Variants in DUT observed in about 807,000 individuals in gnomAD.
DUT encodes the protein deoxyuridine triphosphatase.
DUT carries 21 observed loss-of-function variants against 28.8 expected under a neutral mutation model. The observed-to-expected ratio is 0.73, with a 90% CI of 0.52 to 1.05. The LOEUF (loss-of-function observed/expected upper bound fraction) is 1.05. Among genes scored for constraint, DUT ranks in the 50% least tolerant of loss-of-function variants. The pLI, the probability that DUT is intolerant of heterozygous loss-of-function variation, is 0.00. For synonymous variants in DUT, 147 were observed against 143.7 expected, an observed-to-expected ratio of 1.02 and a Z score of -0.17; for missense variants, 344 against 351.8, an observed-to-expected ratio of 0.98 and a Z score of 0.18.
At chr15:48,334,867 A>G (rs1222780936) in intron 3 of DUT, among the ~76,000 whole-genome samples, 1 of 152,114 alleles carries the variant, frequency 6.6e-6, no homozygotes, top group African/African-American at 2.4e-5. Flanking sequence ...GGTAAGGGAT[A>G]CTCTTCAGTG....
intron 6 of DUT, 109 bp downstream of exon 6, chr15:48,341,694 G>A (rs2042536978): frequency 1.1e-6 from 1 of 915,872 alleles, no homozygotes; most frequent in African/African-American, 1.7e-5. Flanking sequence ...TAGTATATAT[G>A]ACTAAACTTA....
chr15:48,333,291 A>T (rs1265056367), intron 2 of DUT, among the ~76,000 whole-genome samples: 1 of 152,198 alleles, frequency 6.6e-6, no homozygotes, highest in Non-Finnish European at 1.5e-5. Flanking sequence ...GGAAAAGGAA[A>T]GTAGGTATGG....
At chr15:48,337,609 T>C (rs1246244222) in intron 4 of DUT, among the ~76,000 whole-genome samples, 2 of 152,224 alleles carry the variant, frequency 1.3e-5, no homozygotes, top group Non-Finnish European at 2.9e-5. Flanking sequence ...ATGTGGAAAC[T>C]TTTTCTTTTA....
rs2042547427 is a variant in DUT at position 48,342,285 on chromosome 15, C to G, written c.*207C>G. 3.0e-6 allele frequency: 1 copy of G among 332,344 alleles called. No homozygotes were observed. The highest frequency in any genetic ancestry group is 2.2e-5 in the African/African-American group (1 of 46,032). 20.6% of individuals were successfully genotyped at this position (332,344 alleles called of 1,614,324 possible). A position where few individuals can be genotyped will look rare whatever the true frequency, so the allele number is the denominator to read the frequency against. On this transcript the variant is annotated 3_prime_UTR_variant, in exon 7 of 7. Coordinates refer to ENST00000331200, the MANE Select transcript of DUT (RefSeq NM_001025248.2). ...AAGAAGTTTTTCTTTGTGTTTGGAT[C>G]AAAAAGAAACTTTGTTTTTCCGCAA...
Position 48,341,055 on chromosome 15 carries a change from A to G in DUT, c.557-234A>G, listed in dbSNP as rs2042529194. 5 of 360,774 alleles carry G rather than the reference A, an allele frequency of 1.4e-5. 1 individual carries two copies. In the South Asian group the frequency reaches 3.1e-4, roughly 22 times the overall value. 22.3% of individuals were successfully genotyped at this position (360,774 alleles called of 1,614,324 possible). ...CAGCTTAAAATAGGAAATGGTCGCC[A>G]TTTGATAAAGAGTGACAGGTTGGAA... On this transcript the variant is annotated intron_variant, in intron 4 of 6. Coordinates refer to ENST00000331200, the MANE Select transcript of DUT (RefSeq NM_001025248.2).
Position 48,342,034 on chromosome 15 carries a change from A to T in DUT, c.715A>T (p.Thr239Ser), listed in dbSNP as rs780874489. 1 of 1,581,408 alleles carries T rather than the reference A, an allele frequency of 6.3e-7. No individual in the cohort carries two copies. Among genetic ancestry groups the T allele is most frequent in the African/African-American group, 1.4e-5 (1 of 72,282 alleles). ...TTCTATCTTTCAGGCCTTGGATGAC[A>T]CCGAAAGGGGTTCAGGAGGTTTTGG... Reference protein sequence around the residue: ...EIEEVQALDDTERGSGGFGST... With the variant: ...EIEEVQALDDSERGSGGFGST... The change falls in exon 7 of 7, where the codon ACC (threonine) becomes TCC (serine). Residue 239 changes from threonine (T) to serine (S), a missense_variant. Thr to Ser is a moderately conservative substitution (Grantham distance 58). Coordinates refer to ENST00000331200, the MANE Select transcript of DUT (RefSeq NM_001025248.2).
chr15:48,336,237 T>C, intron 4 of DUT, 147 bp downstream of exon 4: 1 of 596,052 alleles, frequency 1.7e-6, no homozygotes. Flanking sequence ...GCTTTGTGGT[T>C]ATTTTAAGTA....
intron 3 of DUT, among the ~76,000 whole-genome samples, chr15:48,335,402 T>C (rs2042464688): frequency 1.3e-5 from 2 of 152,230 alleles, no homozygotes; most frequent in Admixed American, 1.3e-4. Context: ...CATTGAATCA[T>C]TGAGACTTAG....
At position 48,342,667 on chromosome 15, in the gene DUT, CACT is replaced by C. The variant is rs1284665897; in HGVS notation, c.*591_*593del. 3.3e-5 allele frequency: 5 copies of C among 152,024 alleles called. No individual in the cohort carries two copies. The highest frequency in any genetic ancestry group is 7.4e-5 in the Non-Finnish European group (5 of 68,000). The allele number at this position is 152,024 out of a possible 1,614,324, so 9.4% of individuals were successfully genotyped here. On this transcript the variant is annotated 3_prime_UTR_variant, in exon 7 of 7. Transcript: ENST00000331200. ...AAAAAGAATCCTCAGTTTATTTTTC[CACT>C]ATTAATCTTTCTTTTGATAAATCCT...
intron 1 of DUT, 139 bp from the exon 2 acceptor site, chr15:48,332,106 CAGAACTGTGGACTCGTCCCGGGG>C: frequency 7.3e-7 from 1 of 1,372,366 alleles, no homozygotes; most frequent in Non-Finnish European, 9.4e-7. Flanking sequence ...CCCTCTCAGC[CAGAACTGTGGACTCGTCCCGGGG>C]AGGGGCGGTG....
intron 4 of DUT, among the ~76,000 whole-genome samples, chr15:48,340,669 A>T (rs1335220292): frequency 1.3e-5 from 2 of 152,150 alleles, no homozygotes; most frequent in Non-Finnish European, 2.9e-5. Context: ...AAAAAGTTGT[A>T]CTCATGAAGC....
rs2042406133 is a variant in DUT at position 48,331,438 on chromosome 15, A to C, written c.-78A>C. On this transcript the variant is annotated 5_prime_UTR_variant, in exon 1 of 7. Transcript: ENST00000331200. ...CTGCTTCCGAGGTCATGTTCCCAGGACGGGCGCGTCTTCAGGGTGGAAGCC... is the reference window on the plus strand; with the variant it reads ...CTGCTTCCGAGGTCATGTTCCCAGGCCGGGCGCGTCTTCAGGGTGGAAGCC... The C allele has an allele frequency of 6.3e-7, 1 of 1,579,372 alleles. No homozygotes were observed. Among genetic ancestry groups the C allele is most frequent in the African/African-American group, 1.4e-5 (1 of 73,604 alleles).
Position 48,331,520 on chromosome 15 carries a change from C to T in DUT, c.5C>T (p.Thr2Ile), listed in dbSNP as rs1230533308. MTPLCPRPALCY... is the reference protein window; with the variant it reads MIPLCPRPALCY... ...CCAGCCCAAACTCTGGGGGAAATGACTCCCCTCTGCCCTCGCCCCGCGCTC... is the reference window on the plus strand; with the variant it reads ...CCAGCCCAAACTCTGGGGGAAATGATTCCCCTCTGCCCTCGCCCCGCGCTC... Residue 2 changes from threonine (T) to isoleucine (I), a missense_variant, in exon 1 of 7, where the codon ACT (threonine) becomes ATT (isoleucine). Thr to Ile is a moderately conservative substitution (Grantham distance 89). Transcript: ENST00000331200. 1.2e-6 allele frequency: 2 copies of T among 1,611,816 alleles called. No homozygotes were observed. The highest frequency in any genetic ancestry group is 1.1e-5 in the South Asian group (1 of 90,872).
At chr15:48,332,458 C>T in intron 2 of DUT, 52 bp downstream of exon 2, 1 of 1,432,156 alleles carries the variant, frequency 7.0e-7, no homozygotes, top group Non-Finnish European at 9.3e-7. Flanking sequence ...CCGTCCGCTG[C>T]CACAGCTAGA....
chr15:48,338,192 C>CAA (rs74384057), intron 4 of DUT, among the ~76,000 whole-genome samples: 1 of 140,464 alleles, frequency 7.1e-6, no homozygotes. Flanking sequence ...AACATTCATG[C>CAA]AAAAAAAAAA....
In DUT at chr15:48,341,272, ACTTTT is replaced by A. The variant is rs1339078233; in HGVS notation, c.557-9_557-5del. On this transcript the variant is annotated splice_polypyrimidine_tract_variant and intron_variant, in intron 4 of 6. Transcript: ENST00000331200. ...CAATAGCAAAAATTGAGATAATATT[ACTTTT>A]CTTTTCTCTAGCTGGTGTCATAGAT... The A allele has an allele frequency of 3.9e-6, 6 of 1,529,526 alleles. No individual in the cohort carries two copies. The highest frequency in any genetic ancestry group is 2.3e-5 in the East Asian group (1 of 44,272). The allele number at this position is 1,529,526 out of a possible 1,614,324, so 94.7% of individuals were successfully genotyped here.
chr15:48,338,632 G>T (rs1410654744), intron 4 of DUT, among the ~76,000 whole-genome samples: 2 of 152,194 alleles, frequency 1.3e-5, no homozygotes, highest in African/African-American at 4.8e-5. Context: ...GTAAGAGATT[G>T]TTGCCATCAA....
intron 4 of DUT, chr15:48,340,287 G>C (rs2042519531): frequency 6.6e-6 from 1 of 152,076 alleles, no homozygotes; most frequent in South Asian, 2.1e-4. Flanking sequence ...GGGGGTGGGA[G>C]GAGGAAGGGG....
At position 48,343,332 on chromosome 15, in the gene DUT, T is replaced by G. The variant is rs1023109268; in HGVS notation, c.*1254T>G. 6 of 152,196 alleles carry G rather than the reference T, an allele frequency of 3.9e-5. No individual in the cohort carries two copies. Among genetic ancestry groups the G allele is most frequent in the Non-Finnish European group, 8.8e-5 (6 of 68,040 alleles). The allele number at this position is 152,196 out of a possible 1,614,324, so 9.4% of individuals were successfully genotyped here. A position where few individuals can be genotyped will look rare whatever the true frequency, so the allele number is the denominator to read the frequency against. ...CATACCAGGTTGGGCTATAAAATAT[T>G]TCTGTTGTCAATAAATTTTAAATGT... is the stretch of plus-strand genomic sequence containing the variant. On this transcript the variant is annotated 3_prime_UTR_variant, in exon 7 of 7. Transcript: ENST00000331200.
Sources: gnomAD v4.1 joint callset for allele counts (sites outside exome capture counted in the v4.1 genomes callset) on GRCh38, gnomAD v4.1.1 for gene constraint, MANE v1.5 for transcripts, NCBI Gene and HGNC (gene_info 2026-07-23, HGNC 2026-07-21) for gene names.